DAPP1: variants seen among roughly 807,000 people sequenced by gnomAD.
DAPP1 encodes the protein dual adaptor of phosphotyrosine and 3-phosphoinositides 1, also known as dual adapter for phosphotyrosine and 3-phosphotyrosine and 3-phosphoinositide.
In DAPP1, 20 loss-of-function variants were observed where a neutral mutation model predicts 41.5. The observed-to-expected ratio is 0.48, with a 90% confidence interval of 0.34 to 0.70. The LOEUF is 0.70. Among genes scored for constraint, DAPP1 ranks in the 30% least tolerant of loss-of-function variants. The pLI is 0.01. For synonymous variants in DAPP1, 113 were observed against 116.2 expected (o/e 0.97, Z 0.18); for missense variants, 233 against 333.4 (o/e 0.70, Z 2.35).
intron 6 of DAPP1, 44 bp downstream of exon 6, chr4:99,863,116 C>G (rs1438122054): frequency 7.6e-7 from 1 of 1,316,764 alleles, no homozygotes; most frequent in Non-Finnish European, 1.0e-6. Context: ...AATCAATTCT[C>G]TAGATGAAAG....
At chr4:99,831,324 C>G (rs1723112595) in intron 1 of DAPP1, among the ~76,000 whole-genome samples, 1 of 152,142 alleles carries the variant, frequency 6.6e-6, no homozygotes, top group Admixed American at 6.6e-5. Flanking sequence ...CAAGACAATT[C>G]TTGGTTCTTC....
intron 3 of DAPP1, among the ~76,000 whole-genome samples, chr4:99,848,100 C>T (rs1023445667): frequency 1.6e-4 from 25 of 152,144 alleles, no homozygotes; most frequent in Non-Finnish European, 3.4e-4. Flanking sequence ...CATGAGCCAC[C>T]GCGCCCGGCT....
intron 1 of DAPP1, among the ~76,000 whole-genome samples, chr4:99,819,227 G>A (rs1405593184): frequency 6.6e-6 from 1 of 152,058 alleles, no homozygotes; most frequent in Non-Finnish European, 1.5e-5. Context: ...GGACATTTCT[G>A]TTCTCCCAAA....
chr4:99,839,618 G>C (rs1367857817), intron 2 of DAPP1, among the ~76,000 whole-genome samples: 1 of 152,108 alleles, frequency 6.6e-6, no homozygotes, highest in Admixed American at 6.5e-5. Context: ...CCAAGGCAGA[G>C]GAGAGTGTGG....
chr4:99,851,534 G>GTTTTTTTTTTTTT (rs537614787), intron 3 of DAPP1, among the ~76,000 whole-genome samples: 1 of 77,758 alleles, frequency 1.3e-5, no homozygotes, highest in Non-Finnish European at 2.4e-5. Flanking sequence ...GTTTTGTGTA[G>GTTTTTTTTTTTTT]TTTTTTTTTT....
At chr4:99,827,406 A>C (rs1722969897) in intron 1 of DAPP1, among the ~76,000 whole-genome samples, 5 of 151,692 alleles carry the variant, frequency 3.3e-5, no homozygotes, top group African/African-American at 9.7e-5. Flanking sequence ...GGTGGTGGGC[A>C]CTTGTAGTCC....
At chr4:99,843,744 T>A (rs191289620) in intron 3 of DAPP1, among the ~76,000 whole-genome samples, 242 of 152,330 alleles carry the variant, frequency 1.6e-3, no homozygotes, top group Non-Finnish European at 2.4e-3. Flanking sequence ...TTATGTTTTT[T>A]AAAAAAATAC....
intron 4 of DAPP1, among the ~76,000 whole-genome samples, chr4:99,856,469 A>G (rs894693040): frequency 5.3e-5 from 8 of 152,180 alleles, no homozygotes; most frequent in African/African-American, 1.9e-4. Context: ...GAATTACGGG[A>G]TGAAGTGAGC....
At chr4:99,843,199 G>A (rs1257840851) in intron 3 of DAPP1, among the ~76,000 whole-genome samples, 1 of 152,116 alleles carries the variant, frequency 6.6e-6, no homozygotes, top group Non-Finnish European at 1.5e-5. Context: ...TTATCTACTG[G>A]CACAAGTGGT....
intron 2 of DAPP1, among the ~76,000 whole-genome samples, chr4:99,839,621 G>C (rs1723429017): frequency 6.6e-6 from 1 of 152,114 alleles, no homozygotes; most frequent in South Asian, 2.1e-4. Context: ...AGGCAGAGGA[G>C]AGTGTGGTGA....
At chr4:99,825,394 A>G (rs1250946773) in intron 1 of DAPP1, among the ~76,000 whole-genome samples, 2 of 152,086 alleles carry the variant, frequency 1.3e-5, no homozygotes, top group African/African-American at 4.8e-5. Context: ...TCAAACTCCT[A>G]CAGAATTCTC....
In DAPP1 at chr4:99,840,289, G is replaced by T. The variant is rs1200475300; in HGVS notation, c.225G>T (p.Arg75Ser). ...ETTGLYSLSV[R>S]AKDSVKHFHV... ...TTAAATACTTCTTTTTCCCTTTTAG[G>T]GCCAAAGATTCTGTTAAACACTTTC... Residue 75 changes from arginine (R) to serine (S), a missense_variant and splice_region_variant, in exon 3 of 9, where the codon AGG becomes AGT. Coordinates refer to ENST00000512369, the MANE Select transcript of DAPP1 (RefSeq NM_014395.3). 6.5e-7 allele frequency: 1 copy of T among 1,527,302 alleles called. No homozygotes were observed. The highest frequency in any genetic ancestry group is 8.8e-7 in the Non-Finnish European group (1 of 1,130,768). The allele number at this position is 1,527,302 out of a possible 1,614,324, so 94.6% of individuals were successfully genotyped here.
chr4:99,863,790 C>G lies in DAPP1; in HGVS notation c.621C>G (p.Ile207Met). 6.3e-7 allele frequency: 1 copy of G among 1,594,024 alleles called. No individual in the cohort carries two copies. The highest frequency in any genetic ancestry group is 8.6e-7 in the Non-Finnish European group (1 of 1,169,416). ...TTTAGTCACCAGAACCAATTCGGAT[C>G]CTAGACCTAACAGAATGTTCAGCTG... ...KDQMSPEPIRILDLTECSAVQ... is the reference protein window; with the variant it reads ...KDQMSPEPIRMLDLTECSAVQ... The change falls in exon 7 of 9, where the codon ATC becomes ATG. Residue 207 changes from isoleucine to methionine, a missense_variant. Transcript: ENST00000512369.
intron 1 of DAPP1, among the ~76,000 whole-genome samples, chr4:99,819,258 C>T (rs553906961): frequency 6.6e-6 from 1 of 152,246 alleles, no homozygotes; most frequent in South Asian, 2.1e-4. Context: ...AGATGTATGG[C>T]TTATTTAAGC....
intron 3 of DAPP1, among the ~76,000 whole-genome samples, chr4:99,849,126 T>A (rs755934502): frequency 2.6e-5 from 4 of 152,240 alleles, no homozygotes; most frequent in Non-Finnish European, 5.9e-5. Context: ...TTTGTGGGGT[T>A]ACTAGTTAAA....
intron 3 of DAPP1, among the ~76,000 whole-genome samples, chr4:99,848,321 G>A (rs1036628234): frequency 6.7e-6 from 1 of 149,898 alleles, no homozygotes; most frequent in African/African-American, 2.5e-5. Context: ...TCCGCCTCCC[G>A]GGTTAAAGGG....
intron 3 of DAPP1, among the ~76,000 whole-genome samples, chr4:99,846,610 A>G (rs1169528740): frequency 1.3e-5 from 2 of 152,264 alleles, no homozygotes; most frequent in Admixed American, 6.5e-5. Context: ...TCTTTGATAA[A>G]TAATAAAGAA....
At position 99,861,616 on chromosome 4, in the gene DAPP1, C is replaced by G; in HGVS notation, c.528C>G (p.Gly176=). 6.4e-7 allele frequency: 1 copy of G among 1,573,590 alleles called. No individual in the cohort carries two copies. Among genetic ancestry groups the G allele is most frequent in the Non-Finnish European group, 8.6e-7 (1 of 1,158,420 alleles). Residue 176 remains glycine (G), a synonymous_variant, in exon 5 of 9, where the codon GGC becomes GGG. Transcript: ENST00000512369. ...TKEGYLTKQG[G]LVKTWKTRWF... ...AAGGTTACCTCACCAAACAGGGAGG[C>G]CTGGTCAAGGTAAGGAAGTGTGGTT...
At chr4:99,838,760 T>A (rs1723387913) in intron 2 of DAPP1, among the ~76,000 whole-genome samples, 1 of 152,308 alleles carries the variant, frequency 6.6e-6, no homozygotes, top group Admixed American at 6.5e-5. Context: ...TGTAGAAGAT[T>A]GAAATACCTT....
Sources: gnomAD v4.1 joint callset for allele counts (sites outside exome capture counted in the v4.1 genomes callset) on GRCh38, gnomAD v4.1.1 for gene constraint, MANE v1.5 for transcripts, NCBI Gene and HGNC (gene_info 2026-07-23, HGNC 2026-07-21) for gene names.